Variants in PRKD2 observed in about 807,000 individuals in gnomAD.
PRKD2 encodes the protein serine/threonine-protein kinase D2.
PRKD2 carries 22 observed loss-of-function variants against 86.0 expected under a neutral mutation model. The observed-to-expected ratio is 0.26, with a 90% confidence interval of 0.18 to 0.37. The LOEUF is 0.37. Ranked by LOEUF, PRKD2 falls within the 10% of genes least tolerant of loss-of-function variation. The pLI, the probability that PRKD2 is intolerant of heterozygous loss-of-function variation, is 1.00. For synonymous variants in PRKD2, 509 were observed against 510.9 expected (o/e 1.00, Z 0.05); for missense variants, 818 against 1,199.2 (o/e 0.68, Z 4.70).
Position 46,716,429 on chromosome 19 carries a change from G to T in PRKD2, c.-59C>A. On this transcript the variant is annotated 5_prime_UTR_variant, in exon 1 of 18. Coordinates refer to ENST00000291281, the MANE Select transcript of PRKD2 (RefSeq NM_016457.5). The surrounding 1 kb of genome is among the most constrained non-coding windows in gnomAD (Gnocchi z 7.9). ...ACCCGGGACCCGGCCGGGGGGCCCCGGGGGACCCTGGGTTCTAGATCCGCG... is the reference window on the plus strand; with the variant it reads ...ACCCGGGACCCGGCCGGGGGGCCCCTGGGGACCCTGGGTTCTAGATCCGCG... 9.2e-7 allele frequency: 1 copy of T among 1,082,512 alleles called. No homozygotes were observed. The highest frequency in any genetic ancestry group is 1.3e-6 in the Non-Finnish European group (1 of 795,294). The allele number at this position is 1,082,512 out of a possible 1,614,324, so 67.1% of individuals were successfully genotyped here. A position where few individuals can be genotyped will look rare whatever the true frequency, so the allele number is the denominator to read the frequency against.
At position 46,678,512 on chromosome 19, in the gene PRKD2, A is replaced by G; in HGVS notation, c.2222T>C (p.Met741Thr). 1.9e-6 allele frequency: 3 copies of G among 1,614,232 alleles called. No individual in the cohort carries two copies. The highest frequency in any genetic ancestry group is 1.7e-6 in the Non-Finnish European group (2 of 1,180,036). ...GAAGGTGCCGCTGAGGCTGACGTAC[A>G]TGATCACGCCCACTGACCACATGTC... ...SLDMWSVGVI[M>T]YVSLSGTFPF... The change falls in exon 16 of 18, where the codon ATG (methionine) becomes ACG (threonine). Residue 741 changes from methionine (M) to threonine (T), a missense_variant. Physicochemically the swap from Met to Thr is moderately conservative, Grantham distance 81. Coordinates refer to ENST00000291281, the MANE Select transcript of PRKD2 (RefSeq NM_016457.5). The surrounding 1 kb of genome is among the most constrained non-coding windows in gnomAD (Gnocchi z 5.7).
At chr19:46,689,405 G>T in intron 14 of PRKD2, 132 bp downstream of exon 14, 1 of 1,142,408 alleles carries the variant, frequency 8.8e-7, no homozygotes, top group Non-Finnish European at 1.2e-6. Context: ...ACTGCGCCCA[G>T]CCTGATGATG....
chr19:46,704,799 G>C, intron 3 of PRKD2, 150 bp from the exon 4 acceptor site: 2 of 1,070,018 alleles, frequency 1.9e-6, no homozygotes, highest in East Asian at 2.6e-5. Flanking sequence ...ACTACTATCC[G>C]TAAGTGTATC....
In PRKD2 at chr19:46,713,934, G is replaced by GA; in HGVS notation, c.307_308insT (p.Ala103ValfsTer51). 1 of 1,613,628 alleles carries GA rather than the reference G, an allele frequency of 6.2e-7. No homozygotes were observed. The highest frequency in any genetic ancestry group is 8.5e-7 in the Non-Finnish European group (1 of 1,179,890). ...CGAGCGCACCAGCTGCAGGAGGTTG[G>GA]CCGACGTGGGGTCATGTTTGAAAAG... On this transcript the variant is annotated frameshift_variant, in exon 2 of 18. Coordinates refer to ENST00000291281, the MANE Select transcript of PRKD2 (RefSeq NM_016457.5). LOFTEE classifies it high-confidence loss of function.
intron 3 of PRKD2, 30 bp downstream of exon 3, chr19:46,710,877 A>AC: frequency 7.2e-6 from 5 of 697,462 alleles, no homozygotes; most frequent in Non-Finnish European, 1.1e-5. Context: ...GCCCCGCCCC[A>AC]GGCCCCGCCC....
At chr19:46,715,946 C>A (rs539161894) in intron 1 of PRKD2, among the ~76,000 whole-genome samples, 185 bp downstream of exon 1, 13 of 152,366 alleles carry the variant, frequency 8.5e-5, no homozygotes, top group Admixed American at 2.6e-4. Context: ...CACCCCTGCC[C>A]AGTCCTCTCT....
intron 8 of PRKD2, 81 bp downstream of exon 8, chr19:46,697,652 A>G (rs1599829390): frequency 1.5e-6 from 2 of 1,320,808 alleles, no homozygotes; most frequent in East Asian, 2.4e-5. Context: ...AGCCCCACCC[A>G]CCTAGCCCCG....
chr19:46,704,122 G>A lies in PRKD2; in HGVS notation c.889+47C>T, dbSNP rs117179253. 1.9e-3 allele frequency: 2,991 copies of A among 1,609,312 alleles called. 6 individuals carry two copies. The highest frequency in any genetic ancestry group is 2.4e-3 in the Non-Finnish European group (2,834 of 1,178,070). ...CTGCCACAAGACCAGGTTGGGGCGG[G>A]AAGGAGGTTCTGACCCTGTCTGTCC... On this transcript the variant is annotated intron_variant, in intron 5 of 17. Coordinates refer to ENST00000291281, the MANE Select transcript of PRKD2 (RefSeq NM_016457.5).
intron 1 of PRKD2, among the ~76,000 whole-genome samples, chr19:46,715,828 C>T (rs1338539556): frequency 1.3e-5 from 2 of 151,922 alleles, no homozygotes; most frequent in Non-Finnish European, 2.9e-5. Context: ...CATCTGCTGC[C>T]CCTTCCTCCC....
chr19:46,690,787 C>T, intron 12 of PRKD2, 81 bp from the exon 13 acceptor site: 1 of 1,266,150 alleles, frequency 7.9e-7, no homozygotes. Flanking sequence ...CTCTGCCAAC[C>T]TCTGCCCCCC....
rs745541931 is a variant in PRKD2, at chr19:46,716,081, C to A, written c.240+50G>T. On this transcript the variant is annotated intron_variant, in intron 1 of 17. Transcript: ENST00000291281. The surrounding 1 kb of genome is among the most constrained non-coding windows in gnomAD (Gnocchi z 7.9). The stretch of plus-strand genomic sequence containing the variant: ...GGCCCCAGACCCCTCTGCCAGCGCC[C>A]CCTCCTTCAACCTCTCCCCGAGCTG... 5.2e-5 allele frequency: 83 copies of A among 1,595,706 alleles called. No homozygotes were observed. Among genetic ancestry groups the A allele is most frequent in the South Asian group, 4.1e-4 (37 of 89,534 alleles).
At position 46,678,403 on chromosome 19, in the gene PRKD2, T is replaced by C; in HGVS notation, c.2331A>G (p.Ser777=). ...TAGGCGGGCCCCAGGCACCTCCAGCTGAGATGTGGCTCCAGGGGCTGGCCG... is the reference window on the plus strand; with the variant it reads ...TAGGCGGGCCCCAGGCACCTCCAGCCGAGATGTGGCTCCAGGGGCTGGCCG... ...MYPASPWSHI[S]AGAIDLINNL... The change falls in exon 16 of 18, where the codon TCA becomes TCG. Residue 777 remains serine, a synonymous_variant. Transcript: ENST00000291281. This position sits in a 1 kb window ranked among gnomAD's most constrained non-coding sequence, Gnocchi z 5.7. 2 of 1,613,758 alleles carry C rather than the reference T, an allele frequency of 1.2e-6. No homozygotes were observed. Among genetic ancestry groups the C allele is most frequent in the Non-Finnish European group, 1.7e-6 (2 of 1,179,778 alleles).
intron 15 of PRKD2, among the ~76,000 whole-genome samples, chr19:46,679,922 GC>G (rs1374770608): frequency 6.6e-6 from 1 of 151,922 alleles, no homozygotes; most frequent in East Asian, 1.9e-4. Context: ...ACCACACCTG[GC>G]CCCATACCCT....
intron 13 of PRKD2, 49 bp downstream of exon 13, chr19:46,690,551 C>T (rs2053468645): frequency 1.3e-6 from 2 of 1,573,824 alleles, no homozygotes; most frequent in Non-Finnish European, 1.7e-6. Flanking sequence ...ACTGGGTCAG[C>T]TGGCCCATGA....
At chr19:46,697,622 C>T (rs1010414147) in intron 8 of PRKD2, 111 bp downstream of exon 8, 6 of 970,492 alleles carry the variant, frequency 6.2e-6, no homozygotes, top group Non-Finnish European at 9.5e-6. Context: ...CCACTACTGG[C>T]CCCGCTCGCG....
chr19:46,694,636 T>A (rs973995166), intron 9 of PRKD2, among the ~76,000 whole-genome samples: 13 of 151,974 alleles, frequency 8.6e-5, no homozygotes, highest in African/African-American at 3.1e-4. Context: ...AGAAGTGATA[T>A]TGAAGCAGAG....
At chr19:46,711,842 C>T (rs1395775824) in intron 2 of PRKD2, among the ~76,000 whole-genome samples, 3 of 151,816 alleles carry the variant, frequency 2.0e-5, no homozygotes, top group African/African-American at 7.3e-5. Flanking sequence ...CCCAGGTGGG[C>T]GGATCACTTG....
At chr19:46,694,705 C>A (rs529971213) in intron 9 of PRKD2, among the ~76,000 whole-genome samples, 1 of 152,152 alleles carries the variant, frequency 6.6e-6, no homozygotes, top group Non-Finnish European at 1.5e-5. Context: ...TGTGCAAAGG[C>A]CCTAAGGAAA....
At chr19:46,692,784 C>T (rs936082782) in intron 10 of PRKD2, among the ~76,000 whole-genome samples, 1 of 152,202 alleles carries the variant, frequency 6.6e-6, no homozygotes, top group Middle Eastern at 3.2e-3. Context: ...TCTCTTCTGC[C>T]TTCTGGTCTC....
Sources: gnomAD v4.1 joint callset for allele counts (sites outside exome capture counted in the v4.1 genomes callset) on GRCh38, gnomAD v4.1.1 for gene constraint, Gnocchi (gnomAD v3.1) non-coding constraint, MANE v1.5 for transcripts, NCBI Gene and HGNC (gene_info 2026-07-23, HGNC 2026-07-21) for gene names.